C3orf33: variants seen among roughly 807,000 people sequenced by gnomAD.
C3orf33 encodes mitochondrial inner membrane subdomain organizer 1.
Under a neutral mutation model 28.7 loss-of-function variants are expected in C3orf33, and 23 were observed. That is an observed-to-expected ratio of 0.80 (90% CI 0.58 to 1.13). The LOEUF (loss-of-function observed/expected upper bound fraction) is 1.13. Among genes scored for constraint, C3orf33 ranks in the 50% most tolerant of loss-of-function variants. C3orf33 has a pLI of 0.00. For synonymous variants in C3orf33, 119 were observed against 120.5 expected, an observed-to-expected ratio of 0.99 and a Z score of 0.08; for missense variants, 327 against 353.4, an observed-to-expected ratio of 0.93 and a Z score of 0.60.
At chr3:155,795,417 C>T (rs949904045) in intron 2 of C3orf33, among the ~76,000 whole-genome samples, 5 of 151,988 alleles carry the variant, frequency 3.3e-5, no homozygotes, top group Admixed American at 3.3e-4. Context: ...GAGCGTGCCA[C>T]TGCACTCCAG....
At chr3:155,764,189 A>C (rs1387351775) in intron 4 of C3orf33, among the ~76,000 whole-genome samples, 1 of 152,214 alleles carries the variant, frequency 6.6e-6, no homozygotes, top group Non-Finnish European at 1.5e-5. Flanking sequence ...GTGAGGAAGC[A>C]ATAAAGTATG....
At chr3:155,795,363 G>A (rs1171171110) in intron 2 of C3orf33, among the ~76,000 whole-genome samples, 1 of 152,118 alleles carries the variant, frequency 6.6e-6, no homozygotes, top group African/African-American at 2.4e-5. Context: ...GGCTGAGGCA[G>A]GAAAATTGCT....
chr3:155,794,382 C>T (rs1034852268), intron 2 of C3orf33, among the ~76,000 whole-genome samples: 2 of 151,612 alleles, frequency 1.3e-5, no homozygotes, highest in African/African-American at 4.8e-5. Context: ...GAACATATAA[C>T]TGATATACAA....
intron 3 of C3orf33, 75 bp from the exon 4 acceptor site, chr3:155,767,744 A>C: frequency 1.0e-6 from 1 of 953,618 alleles, no homozygotes; most frequent in Non-Finnish European, 1.5e-6. Context: ...GTTGGCCTCC[A>C]ACAAACAAAC....
At chr3:155,782,244 C>T (rs1311074098) in intron 2 of C3orf33, among the ~76,000 whole-genome samples, 2 of 150,352 alleles carry the variant, frequency 1.3e-5, no homozygotes, top group Non-Finnish European at 3.0e-5. Context: ...GGGAACAGGG[C>T]CTAAGGAATC....
intron 2 of C3orf33, among the ~76,000 whole-genome samples, chr3:155,801,924 G>A (rs1022289564): frequency 6.6e-6 from 1 of 152,062 alleles, no homozygotes; most frequent in African/African-American, 2.4e-5. Context: ...CTAATTGTTT[G>A]TATTTTTAGT....
At chr3:155,789,121 T>G (rs972919673) in intron 2 of C3orf33, among the ~76,000 whole-genome samples, 1 of 151,946 alleles carries the variant, frequency 6.6e-6, no homozygotes, top group Non-Finnish European at 1.5e-5. Context: ...CCAAGGTGGG[T>G]GGATCACGAG....
rs1559997509 is a variant in C3orf33 at position 155,791,425 on chromosome 3, CCTT to C, written c.174+11104_174+11106del. ...GCTGTGATGGCTATGGTGAGGGACT[CCTT>C]CTACTTGAGAAAAGGAGGAGGAAGA... On this transcript the variant is annotated intron_variant, in intron 2 of 4. Transcript: ENST00000340171. 3.9e-5 allele frequency among the ~76,000 whole-genome samples: 6 copies of C among 152,242 alleles called. No homozygotes were observed. The South Asian group carries it at 6.2e-4, about 16-fold the overall frequency.
intron 1 of C3orf33, chr3:155,805,572 T>C (rs1490438996): frequency 2.6e-6 from 1 of 384,328 alleles, no homozygotes; most frequent in Admixed American, 2.9e-5. Flanking sequence ...TAAAAGAAAG[T>C]AGTCGATGGG....
At chr3:155,788,190 CA>C (rs368311178) in intron 2 of C3orf33, among the ~76,000 whole-genome samples, 21 of 134,358 alleles carry the variant, frequency 1.6e-4, no homozygotes, top group Admixed American at 3.0e-4. Flanking sequence ...GACTCCGTCT[CA>C]AAAAAAAAAA....
At chr3:155,770,962 C>CTGTGTGTGTGTGTGTGTGTGTGTGTGTG (rs3068982) in intron 3 of C3orf33, among the ~76,000 whole-genome samples, 2 of 129,926 alleles carry the variant, frequency 1.5e-5, no homozygotes, top group African/African-American at 3.0e-5. Context: ...GCATGAACCA[C>CTGTGTGTGTGTGTGTGTGTGTGTGTGTG]TGTGTGTGTG....
intron 2 of C3orf33, among the ~76,000 whole-genome samples, chr3:155,776,200 A>G (rs1163532029): frequency 6.6e-6 from 1 of 152,224 alleles, no homozygotes; most frequent in African/African-American, 2.4e-5. Context: ...CTTGTTCCAC[A>G]TAAGTACAAT....
At chr3:155,791,704 G>T (rs1751320282) in intron 2 of C3orf33, among the ~76,000 whole-genome samples, 1 of 151,934 alleles carries the variant, frequency 6.6e-6, no homozygotes, top group Admixed American at 6.6e-5. Flanking sequence ...TTTGCCGCAG[G>T]CCTGGGATGG....
At chr3:155,770,962 C>CTCTGTG (rs36183026) in intron 3 of C3orf33, among the ~76,000 whole-genome samples, 7 of 129,994 alleles carry the variant, frequency 5.4e-5, no homozygotes, top group African/African-American at 2.1e-4. Context: ...GCATGAACCA[C>CTCTGTG]TGTGTGTGTG....
intron 2 of C3orf33, among the ~76,000 whole-genome samples, chr3:155,779,154 A>G (rs1263499155): frequency 6.6e-6 from 1 of 152,138 alleles, no homozygotes; most frequent in African/African-American, 2.4e-5. Flanking sequence ...AAAAACAGAA[A>G]AAGTGCAACC....
At chr3:155,804,153 G>C (rs1577442869) in intron 1 of C3orf33, 1 of 416,760 alleles carries the variant, frequency 2.4e-6, no homozygotes, top group African/African-American at 2.1e-5. Context: ...TCCAGCCTGG[G>C]GGACAAGTGC....
intron 2 of C3orf33, among the ~76,000 whole-genome samples, chr3:155,776,843 C>G (rs1448502895): frequency 6.7e-6 from 1 of 148,242 alleles, no homozygotes; most frequent in African/African-American, 2.5e-5. Context: ...TTTTTATAAC[C>G]AAGAATAGTG....
intron 2 of C3orf33, among the ~76,000 whole-genome samples, chr3:155,782,830 A>G (rs1750970402): frequency 6.6e-6 from 1 of 152,224 alleles, no homozygotes; most frequent in Admixed American, 6.5e-5. Context: ...AAAAGTAAAT[A>G]CATGAGCAAT....
intron 2 of C3orf33, among the ~76,000 whole-genome samples, chr3:155,797,851 A>T (rs1014407284): frequency 1.3e-5 from 2 of 152,126 alleles, no homozygotes; most frequent in African/African-American, 4.8e-5. Flanking sequence ...TGGGCAGATC[A>T]CTTGAGACCA....
Sources: allele counts gnomAD v4.1 joint callset (sites outside exome capture counted in the v4.1 genomes callset), GRCh38; gene constraint gnomAD v4.1.1; transcripts MANE v1.5; gene names NCBI Gene and HGNC (gene_info 2026-07-23, HGNC 2026-07-21).